The following SPAG6 variants were observed in gnomAD, a reference collection of about 807,000 sequenced individuals.
SPAG6 encodes sperm associated antigen 6.
In SPAG6, 49 loss-of-function variants were observed where a neutral mutation model predicts 58.5. The observed-to-expected ratio is 0.84, with a 90% CI of 0.67 to 1.06. The LOEUF (loss-of-function observed/expected upper bound fraction) is 1.06, where lower values mean the gene tolerates loss of function less well. Among genes scored for constraint, SPAG6 ranks in the 50% least tolerant of loss-of-function variants. The pLI, the probability that SPAG6 is intolerant of heterozygous loss-of-function variation, is 0.00. For synonymous variants in SPAG6, 233 were observed against 225.6 expected, an observed-to-expected ratio of 1.03 and a Z score of -0.29; for missense variants, 560 against 611.3, an observed-to-expected ratio of 0.92 and a Z score of 0.89.
chr10:22,357,570 T>G (rs1454551509), intron 2 of SPAG6, among the ~76,000 whole-genome samples: 1 of 152,086 alleles, frequency 6.6e-6, no homozygotes, highest in African/African-American at 2.4e-5. Flanking sequence ...TTTAGGGAAC[T>G]GATTTTTTTC....
intron 2 of SPAG6, among the ~76,000 whole-genome samples, chr10:22,361,737 T>C (rs1837045286): frequency 6.6e-6 from 1 of 152,122 alleles, no homozygotes; most frequent in African/African-American, 2.4e-5. Flanking sequence ...TAATACCTTT[T>C]TGAGTGGGCA....
In SPAG6 at chr10:22,364,884, G is replaced by C; in HGVS notation, c.153G>C (p.Leu51=). ...TGTCTTTGCTGAGAACTCTTCTTCT[G>C]GACGTGGTCCCAACAATTCAACAGA... The part of the protein sequence containing the change: ...GVMSLLRTLL[L]DVVPTIQQTA... Residue 51 remains leucine (L), a synonymous_variant, in exon 3 of 11, where the codon CTG becomes CTC. Transcript: ENST00000376624. 3 of 1,611,958 alleles carry C rather than the reference G, an allele frequency of 1.9e-6. No homozygotes were observed. The highest frequency in any genetic ancestry group is 2.5e-6 in the Non-Finnish European group (3 of 1,179,126).
chr10:22,369,362 A>G (rs1368936076), intron 4 of SPAG6, among the ~76,000 whole-genome samples: 1 of 152,256 alleles, frequency 6.6e-6, no homozygotes, highest in Non-Finnish European at 1.5e-5. Context: ...GTCACTTTAT[A>G]GAAGTTGCTT....
intron 2 of SPAG6, among the ~76,000 whole-genome samples, chr10:22,363,788 A>G (rs1347033773): frequency 6.6e-6 from 1 of 152,182 alleles, no homozygotes; most frequent in Non-Finnish European, 1.5e-5. Flanking sequence ...TACTGGTAAT[A>G]TTTGCTTTTG....
In SPAG6 at chr10:22,391,942, AT is replaced by A. The variant is rs778652221; in HGVS notation, c.1197+23del. On this transcript the variant is annotated intron_variant, in intron 8 of 10. Coordinates refer to ENST00000376624, the MANE Select transcript of SPAG6 (RefSeq NM_012443.4). Reference sequence around the variant, plus strand: ...AAAAGTAAGTGCTTAATTCTGTTTTATGAAGATTTTGGCTCATTTAAAAAAT... The same window carrying A: ...AAAAGTAAGTGCTTAATTCTGTTTTAGAAGATTTTGGCTCATTTAAAAAAT... 3 of 1,557,654 alleles carry A rather than the reference AT, an allele frequency of 1.9e-6. No individual in the cohort carries two copies. The Admixed American group carries it at 5.3e-5, about 28-fold the overall frequency.
chr10:22,412,631 C>G, intron 10 of SPAG6: 1 of 553,552 alleles, frequency 1.8e-6, no homozygotes, highest in Admixed American at 3.7e-5. Context: ...AGTGCAGTAG[C>G]GCGATCTTGG....
chr10:22,387,902 T>C lies in SPAG6; in HGVS notation c.758T>C (p.Phe253Ser). 1 of 1,613,698 alleles carries C rather than the reference T, an allele frequency of 6.2e-7. No individual in the cohort carries two copies. Among genetic ancestry groups the C allele is most frequent in the South Asian group, 1.1e-5 (1 of 91,054 alleles). The stretch of plus-strand genomic sequence containing the variant: ...GAAATGGTTGTTGAAGCAGAGATTT[T>C]TCCAGTTGTACTTACCTGTCTGAAG... ...LAEMVVEAEI[F>S]PVVLTCLKDK... Residue 253 changes from phenylalanine to serine, a missense_variant, in exon 6 of 11, where the codon TTT (phenylalanine) becomes TCT (serine). Transcript: ENST00000376624.
In SPAG6 at chr10:22,345,925, C is replaced by T. The variant is rs950252491; in HGVS notation, c.121+107C>T. On this transcript the variant is annotated intron_variant, in intron 2 of 10. Coordinates refer to ENST00000376624, the MANE Select transcript of SPAG6 (RefSeq NM_012443.4). This position sits in a 1 kb window ranked among gnomAD's most constrained non-coding sequence, Gnocchi z 6.3. Reference sequence around the variant, plus strand: ...TCTTGGGGAGCCGCAGTGTGGGGACCGGAGTTCGCAAAAGCATCCATTCTT... The same window carrying T: ...TCTTGGGGAGCCGCAGTGTGGGGACTGGAGTTCGCAAAAGCATCCATTCTT... 6.4e-7 allele frequency: 1 copy of T among 1,568,942 alleles called. No homozygotes were observed.
chr10:22,377,596 T>TA (rs1440716644), intron 4 of SPAG6, among the ~76,000 whole-genome samples: 2 of 152,200 alleles, frequency 1.3e-5, no homozygotes, highest in Non-Finnish European at 2.9e-5. Context: ...AGGCAACTGT[T>TA]AAAAATGTTG....
At chr10:22,415,090 C>T (rs1487384624) in intron 10 of SPAG6, among the ~76,000 whole-genome samples, 2 of 152,058 alleles carry the variant, frequency 1.3e-5, no homozygotes, top group Admixed American at 1.3e-4. Flanking sequence ...TTCTAGTCCT[C>T]AGTAGCTGGT....
At chr10:22,360,349 G>T (rs1327591431) in intron 2 of SPAG6, among the ~76,000 whole-genome samples, 22 of 146,042 alleles carry the variant, frequency 1.5e-4, no homozygotes, top group African/African-American at 5.1e-4. Context: ...GGATTGCAAT[G>T]TGGGAATTAA....
At chr10:22,362,068 T>C (rs958924499) in intron 2 of SPAG6, among the ~76,000 whole-genome samples, 1 of 145,948 alleles carries the variant, frequency 6.9e-6, no homozygotes, top group Non-Finnish European at 1.5e-5. Context: ...TCTATATAAG[T>C]ATATATAAAT....
chr10:22,380,849 A>G (rs1833936486), intron 4 of SPAG6, among the ~76,000 whole-genome samples: 1 of 152,166 alleles, frequency 6.6e-6, no homozygotes, highest in Non-Finnish European at 1.5e-5. Flanking sequence ...AATAAAGTTT[A>G]AAGAGATTAA....
chr10:22,359,157 G>C (rs557877413), intron 2 of SPAG6, among the ~76,000 whole-genome samples: 1 of 152,252 alleles, frequency 6.6e-6, no homozygotes, highest in African/African-American at 2.4e-5. Context: ...ACCCCAGAAA[G>C]AATGCCTGAG....
chr10:22,350,228 G>A (rs1836681372), intron 2 of SPAG6, among the ~76,000 whole-genome samples: 1 of 151,922 alleles, frequency 6.6e-6, no homozygotes, highest in South Asian at 2.1e-4. Flanking sequence ...TGCTTAAGTG[G>A]AAAATATGCC....
intron 9 of SPAG6, among the ~76,000 whole-genome samples, chr10:22,405,718 GCTC>G (rs1187838235): frequency 6.6e-6 from 1 of 151,778 alleles, no homozygotes; most frequent in Non-Finnish European, 1.5e-5. Flanking sequence ...AATGGTACCA[GCTC>G]CTCCTTGTAC....
intron 4 of SPAG6, among the ~76,000 whole-genome samples, chr10:22,385,226 G>A (rs1468819307): frequency 6.6e-6 from 1 of 151,956 alleles, no homozygotes; most frequent in Non-Finnish European, 1.5e-5. Context: ...GGGGTGTGGT[G>A]GGGGAAGAGA....
chr10:22,407,140 T>A (rs1424278189), intron 9 of SPAG6, among the ~76,000 whole-genome samples: 1 of 151,232 alleles, frequency 6.6e-6, no homozygotes, highest in Admixed American at 6.6e-5. Flanking sequence ...CATTTACATT[T>A]AAAGTTAATA....
chr10:22,371,460 G>C (rs185922726), intron 4 of SPAG6, among the ~76,000 whole-genome samples: 458 of 152,184 alleles, frequency 3.0e-3, no homozygotes, highest in Non-Finnish European at 4.6e-3. Flanking sequence ...CACCATGTTG[G>C]TCAGGCTGGT....
Sources: gnomAD v4.1 joint callset for allele counts (sites outside exome capture counted in the v4.1 genomes callset) on GRCh38, gnomAD v4.1.1 for gene constraint, Gnocchi (gnomAD v3.1) non-coding constraint, MANE v1.5 for transcripts, NCBI Gene and HGNC (gene_info 2026-07-23, HGNC 2026-07-21) for gene names.